The following GRIP1 variants were observed in gnomAD, a reference collection of about 807,000 sequenced individuals.
GRIP1 encodes the protein glutamate receptor-interacting protein 1.
A neutral mutation model predicts 129.9 loss-of-function variants in GRIP1; 45 were observed. That is an observed-to-expected ratio of 0.35 (90% CI 0.27 to 0.44). The LOEUF (loss-of-function observed/expected upper bound fraction) is 0.44. GRIP1 is among the 20% of genes least tolerant of loss of function. The probability of loss-of-function intolerance (pLI) is 1.00; values close to 1 mark genes in which losing one functional copy is unlikely to be tolerated. For missense variants in GRIP1, 1,196 were observed against 1,396.8 expected, an observed-to-expected ratio of 0.86 and a Z score of 2.29; for synonymous variants, 530 against 520.8, an observed-to-expected ratio of 1.02 and a Z score of -0.24.
chr12:66,984,098 C>A (rs2135606086), intron 1 of GRIP1, among the ~76,000 whole-genome samples: 1 of 152,288 alleles, frequency 6.6e-6, no homozygotes, highest in East Asian at 1.9e-4. Flanking sequence ...TAGAAATCCA[C>A]AGACAAATTA....
At chr12:66,390,601 G>A (rs1053290322) in intron 19 of GRIP1, among the ~76,000 whole-genome samples, 3 of 152,190 alleles carry the variant, frequency 2.0e-5, no homozygotes, top group African/African-American at 7.2e-5. Context: ...AAGGGATGGA[G>A]TAGCTAAGGT....
At chr12:66,651,606 G>A (rs1464158170) in intron 1 of GRIP1, among the ~76,000 whole-genome samples, 1 of 152,102 alleles carries the variant, frequency 6.6e-6, no homozygotes, top group African/African-American at 2.4e-5. Context: ...ATGGCTAATT[G>A]GGGAAAAGAG....
At chr12:67,011,093 G>A (rs116890034) in intron 1 of GRIP1, among the ~76,000 whole-genome samples, 1 of 152,240 alleles carries the variant, frequency 6.6e-6, no homozygotes, top group Non-Finnish European at 1.5e-5. Context: ...ACATCCAACC[G>A]TCTTCTTGAC....
chr12:66,483,210 T>G (rs1183096360), intron 7 of GRIP1, among the ~76,000 whole-genome samples: 1 of 152,222 alleles, frequency 6.6e-6, no homozygotes, highest in African/African-American at 2.4e-5. Flanking sequence ...TTCAACTTGC[T>G]CGTTAGTTAA....
At chr12:66,671,478 T>C (rs1478529710) in intron 1 of GRIP1, among the ~76,000 whole-genome samples, 5 of 152,114 alleles carry the variant, frequency 3.3e-5, no homozygotes, top group Admixed American at 6.6e-5. Context: ...TAGCCTTCCT[T>C]ATCCCCCATG....
chr12:66,400,816 C>T (rs958761621), intron 16 of GRIP1, among the ~76,000 whole-genome samples: 4 of 152,218 alleles, frequency 2.6e-5, no homozygotes, highest in Admixed American at 1.3e-4. Context: ...CTATCTCTTC[C>T]TACAAATCCC....
intron 1 of GRIP1, among the ~76,000 whole-genome samples, chr12:66,666,022 A>G (rs1255500922): frequency 6.6e-6 from 1 of 152,156 alleles, no homozygotes; most frequent in Admixed American, 6.5e-5. Context: ...AACACAGTTA[A>G]CAGCCCTATA....
chr12:66,438,836 C>A (rs898926275), intron 13 of GRIP1, among the ~76,000 whole-genome samples: 1 of 152,026 alleles, frequency 6.6e-6, no homozygotes, highest in African/African-American at 2.4e-5. Context: ...TTCTTGTATT[C>A]CAAGCAATAC....
chr12:66,616,663 G>C (rs1354469237), intron 1 of GRIP1, among the ~76,000 whole-genome samples: 1 of 152,070 alleles, frequency 6.6e-6, no homozygotes, highest in African/African-American at 2.4e-5. Flanking sequence ...GCCTCCAAAA[G>C]CCAGCAAAAA....
intron 1 of GRIP1, among the ~76,000 whole-genome samples, chr12:66,658,843 C>T (rs1047376896): frequency 6.6e-6 from 1 of 151,830 alleles, no homozygotes; most frequent in Admixed American, 6.6e-5. Flanking sequence ...AAGATTGCTT[C>T]AGCCTGGGAA....
At chr12:66,588,311 G>A (rs10878457) in intron 2 of GRIP1, among the ~76,000 whole-genome samples, 37,368 of 151,876 alleles carry the variant, frequency 0.25, 4,735 homozygotes, top group Admixed American at 0.28. Context: ...CTGGTACTCA[G>A]TTACTTAGAG....
rs529466094 is a variant in GRIP1, at chr12:66,835,041, A to C, written c.58+234009T>G. 3.3e-5 allele frequency among the ~76,000 whole-genome samples: 5 copies of C among 152,294 alleles called. No individual in the cohort carries two copies. In the East Asian group the frequency reaches 7.7e-4, roughly 23 times the overall value. Reference sequence around the variant, plus strand: ...GCACTGAGAAGAGAATGAAAGGACAAGCCACAGACTGGGAAAAATATTTGC... The same window carrying C: ...GCACTGAGAAGAGAATGAAAGGACACGCCACAGACTGGGAAAAATATTTGC... On this transcript the variant is annotated intron_variant, in intron 1 of 1. Transcript: ENST00000643019.
chr12:66,418,337 C>T (rs1246179773), intron 15 of GRIP1, among the ~76,000 whole-genome samples: 1 of 151,982 alleles, frequency 6.6e-6, no homozygotes, highest in Non-Finnish European at 1.5e-5. Context: ...ATGACACTAC[C>T]ACAAGAAAAC....
chr12:66,432,325 T>C (rs2058172750), intron 14 of GRIP1, among the ~76,000 whole-genome samples: 1 of 152,172 alleles, frequency 6.6e-6, no homozygotes, highest in African/African-American at 2.4e-5. Context: ...TATCCTTATT[T>C]TCATTTTACA....
chr12:66,674,283 G>A (rs2136247049), intron 1 of GRIP1, among the ~76,000 whole-genome samples: 1 of 152,286 alleles, frequency 6.6e-6, no homozygotes, highest in South Asian at 2.1e-4. Flanking sequence ...ATGGGAAAGA[G>A]CAAAGTGACC....
chr12:66,680,004 CATT>C (rs2034523053), upstream of GRIP1, among the ~76,000 whole-genome samples: 2 of 152,042 alleles, frequency 1.3e-5, no homozygotes, highest in Non-Finnish European at 2.9e-5. Context: ...TACGAACTAA[CATT>C]TGGTAGGGAA....
intron 1 of GRIP1, among the ~76,000 whole-genome samples, chr12:66,923,319 T>C (rs1377655776): frequency 6.6e-6 from 1 of 152,138 alleles, no homozygotes; most frequent in Non-Finnish European, 1.5e-5. Context: ...GCACTCCATC[T>C]GGGCAACAGA....
At chr12:66,362,338 A>C (rs2054826355) in intron 23 of GRIP1, among the ~76,000 whole-genome samples, 8 of 151,596 alleles carry the variant, frequency 5.3e-5, no homozygotes. Flanking sequence ...TTTTTAGTAG[A>C]GATGGGGTTT....
intron 7 of GRIP1, among the ~76,000 whole-genome samples, chr12:66,483,322 A>G (rs1016200365): frequency 1.3e-5 from 2 of 152,196 alleles, no homozygotes; most frequent in Non-Finnish European, 2.9e-5. Flanking sequence ...TATTTTTTAA[A>G]TTGCTGATTT....
Sources: allele counts gnomAD v4.1 joint callset (sites outside exome capture counted in the v4.1 genomes callset), GRCh38; gene constraint gnomAD v4.1.1; transcripts MANE v1.5; gene names NCBI Gene and HGNC (gene_info 2026-07-23, HGNC 2026-07-21).